Variants in CRPPA observed in about 807,000 individuals in gnomAD.
CRPPA encodes D-ribitol-5-phosphate cytidylyltransferase.
In CRPPA, 43 loss-of-function variants were observed where a neutral mutation model predicts 52.0. The ratio of observed to expected loss-of-function variants is 0.83; its 90% confidence interval spans 0.65 to 1.07. CRPPA has a LOEUF of 1.07. Among genes scored for constraint, CRPPA ranks in the 50% least tolerant of loss-of-function variants. The pLI, the probability that CRPPA is intolerant of heterozygous loss-of-function variation, is 0.00. For missense variants in CRPPA, 629 were observed against 551.7 expected, an observed-to-expected ratio of 1.14 and a Z score of -1.40; for synonymous variants, 250 against 203.5, an observed-to-expected ratio of 1.23 and a Z score of -1.94.
At chr7:16,420,971 C>A (rs1788318471) in intron 1 of CRPPA, 95 bp downstream of exon 1, 2 of 1,090,434 alleles carry the variant, frequency 1.8e-6, no homozygotes, top group South Asian at 8.5e-5. Flanking sequence ...CCCGGCAGTC[C>A]CCCAAGTGAA....
At chr7:16,100,307 A>T (rs1419189468) in intron 9 of CRPPA, among the ~76,000 whole-genome samples, 6 of 152,180 alleles carry the variant, frequency 3.9e-5, no homozygotes, top group Admixed American at 3.9e-4. Flanking sequence ...AATTTATGTT[A>T]TCATAGTTTT....
intron 8 of CRPPA, among the ~76,000 whole-genome samples, chr7:16,236,237 T>C (rs897092927): frequency 6.6e-5 from 10 of 152,062 alleles, no homozygotes; most frequent in African/African-American, 2.4e-4. Flanking sequence ...GAAGTGGAAA[T>C]ACTACTCAGT....
At chr7:16,111,343 C>T (rs1358086398) in intron 9 of CRPPA, among the ~76,000 whole-genome samples, 5 of 152,182 alleles carry the variant, frequency 3.3e-5, no homozygotes, top group Admixed American at 2.6e-4. Flanking sequence ...TGAATTAGTA[C>T]ACTGTGGGAA....
At chr7:16,396,997 C>T (rs544842051) in intron 2 of CRPPA, among the ~76,000 whole-genome samples, 82 of 152,238 alleles carry the variant, frequency 5.4e-4, no homozygotes, top group Non-Finnish European at 6.5e-4. Context: ...ACATGACTGA[C>T]ATGGAACTGA....
intron 9 of CRPPA, among the ~76,000 whole-genome samples, chr7:16,151,299 C>T (rs1787549459): frequency 6.6e-6 from 1 of 152,120 alleles, no homozygotes; most frequent in African/African-American, 2.4e-5. Flanking sequence ...TAGAAACCAT[C>T]ACCTGAAATC....
chr7:16,091,895 G>C, intron 9 of CRPPA, 96 bp from the exon 10 acceptor site: 4 of 648,418 alleles, frequency 6.2e-6, no homozygotes, highest in Non-Finnish European at 9.8e-6. Flanking sequence ...GCTGCGGTCT[G>C]GATTTGGCAT....
intron 9 of CRPPA, among the ~76,000 whole-genome samples, chr7:16,164,976 G>A (rs895050966): frequency 7.9e-5 from 12 of 152,056 alleles, no homozygotes; most frequent in African/African-American, 2.4e-4. Flanking sequence ...TGTCAGGGGC[G>A]TCAGGGACCC....
At chr7:16,391,389 C>A (rs1466402344) in intron 2 of CRPPA, among the ~76,000 whole-genome samples, 1 of 152,122 alleles carries the variant, frequency 6.6e-6, no homozygotes, top group East Asian at 1.9e-4. Context: ...CCAAGCCACC[C>A]ATCCTCCCTC....
intron 3 of CRPPA, among the ~76,000 whole-genome samples, chr7:16,363,126 G>T (rs1057317392): frequency 6.6e-6 from 1 of 152,138 alleles, no homozygotes; most frequent in African/African-American, 2.4e-5. Flanking sequence ...CTGCTCCTCT[G>T]CCCTGCCCTA....
chr7:16,382,820 C>T (rs998817583), intron 2 of CRPPA, among the ~76,000 whole-genome samples: 18 of 152,286 alleles, frequency 1.2e-4, no homozygotes, highest in African/African-American at 3.4e-4. Flanking sequence ...ACGTAGTTCT[C>T]GAGCCTTGGC....
intron 2 of CRPPA, among the ~76,000 whole-genome samples, chr7:16,404,565 T>G (rs891324808): frequency 1.3e-4 from 19 of 151,146 alleles, no homozygotes; most frequent in African/African-American, 4.6e-4. Flanking sequence ...AAATTGCAAA[T>G]GTGTGCAATT....
intron 9 of CRPPA, among the ~76,000 whole-genome samples, chr7:16,112,218 G>A (rs1782279174): frequency 6.6e-6 from 1 of 152,080 alleles, no homozygotes. Context: ...AGGAGGCTGA[G>A]GTAGAAGAAT....
At chr7:16,369,984 C>T (rs1296654297) in intron 3 of CRPPA, among the ~76,000 whole-genome samples, 1 of 152,174 alleles carries the variant, frequency 6.6e-6, no homozygotes, top group Non-Finnish European at 1.5e-5. Context: ...CTTAACCCTA[C>T]CCAGAGCTGG....
intron 1 of CRPPA, among the ~76,000 whole-genome samples, chr7:16,409,625 A>T (rs1413744536): frequency 6.6e-6 from 1 of 152,256 alleles, no homozygotes; most frequent in Non-Finnish European, 1.5e-5. Context: ...TCACATAATA[A>T]TAGCCAATAT....
At chr7:16,304,289 G>A (rs913412843) in intron 4 of CRPPA, among the ~76,000 whole-genome samples, 2 of 151,940 alleles carry the variant, frequency 1.3e-5, no homozygotes, top group African/African-American at 2.4e-5. Context: ...GTGGGGTACC[G>A]TGGCCATTTT....
At chr7:16,308,040 C>G (rs1784951854) in intron 4 of CRPPA, among the ~76,000 whole-genome samples, 1 of 151,870 alleles carries the variant, frequency 6.6e-6, no homozygotes, top group East Asian at 1.9e-4. Context: ...ATCGTGGGGG[C>G]AGATTTCCGC....
chr7:16,417,299 A>G (rs942246076), intron 1 of CRPPA, among the ~76,000 whole-genome samples: 2 of 152,240 alleles, frequency 1.3e-5, no homozygotes, highest in Non-Finnish European at 2.9e-5. Flanking sequence ...GTGGGTATAT[A>G]TCCAAAAGAA....
At chr7:16,282,119 TA>T (rs1784333444) in intron 5 of CRPPA, among the ~76,000 whole-genome samples, 1 of 152,130 alleles carries the variant, frequency 6.6e-6, no homozygotes, top group African/African-American at 2.4e-5. Flanking sequence ...CTTCTCTTTT[TA>T]AAAATGTTTA....
At chr7:16,103,075 A>T (rs1782080931) in intron 9 of CRPPA, among the ~76,000 whole-genome samples, 1 of 152,224 alleles carries the variant, frequency 6.6e-6, no homozygotes, top group Admixed American at 6.5e-5. Context: ...TCAATTATAG[A>T]CTGGATAAAG....
Sources: allele counts gnomAD v4.1 joint callset (sites outside exome capture counted in the v4.1 genomes callset), GRCh38; gene constraint gnomAD v4.1.1; transcripts MANE v1.5; gene names NCBI Gene and HGNC (gene_info 2026-07-23, HGNC 2026-07-21).